CNTNAP5: variants seen among roughly 807,000 people sequenced by gnomAD.
CNTNAP5 encodes the protein contactin associated protein family member 5.
A neutral mutation model predicts 150.2 loss-of-function variants in CNTNAP5; 72 were observed. The ratio of observed to expected loss-of-function variants is 0.48; its 90% CI spans 0.40 to 0.58. The LOEUF (loss-of-function observed/expected upper bound fraction) is 0.58. Ranked by LOEUF, CNTNAP5 falls within the 20% of genes least tolerant of loss-of-function variation. The pLI, the probability that CNTNAP5 is intolerant of heterozygous loss-of-function variation, is 0.00. For synonymous variants in CNTNAP5, 672 were observed against 619.8 expected (o/e 1.08, Z -1.25); for missense variants, 1,636 against 1,626.2 (o/e 1.01, Z -0.10).
At chr2:124,232,339 A>G (rs1383860181) in intron 2 of CNTNAP5, among the ~76,000 whole-genome samples, 1 of 152,262 alleles carries the variant, frequency 6.6e-6, no homozygotes, top group East Asian at 1.9e-4. Context: ...TGTGTGGTAG[A>G]TGTTTTTCCT....
At chr2:124,244,769 G>A (rs1686976263) in intron 3 of CNTNAP5, among the ~76,000 whole-genome samples, 1 of 152,038 alleles carries the variant, frequency 6.6e-6, no homozygotes, top group Admixed American at 6.6e-5. Context: ...ATTAATACTG[G>A]GATAACTAAC....
At chr2:124,040,246 C>T (rs1298599357) in intron 1 of CNTNAP5, among the ~76,000 whole-genome samples, 1 of 152,104 alleles carries the variant, frequency 6.6e-6, no homozygotes, top group Non-Finnish European at 1.5e-5. Context: ...AGACTGTGAA[C>T]TTCAAATGTA....
intron 6 of CNTNAP5, among the ~76,000 whole-genome samples, chr2:124,469,558 C>CT (rs992904395): frequency 2.6e-5 from 4 of 151,090 alleles, no homozygotes; most frequent in African/African-American, 7.3e-5. Flanking sequence ...TAGATCTTTT[C>CT]TTTTTTTTTA....
intron 8 of CNTNAP5, among the ~76,000 whole-genome samples, chr2:124,520,044 A>T (rs1471537496): frequency 6.6e-6 from 1 of 152,248 alleles, no homozygotes; most frequent in Non-Finnish European, 1.5e-5. Context: ...AAATTCCAGT[A>T]TAATATAAAA....
intron 1 of CNTNAP5, among the ~76,000 whole-genome samples, chr2:124,124,550 G>T (rs533078478): frequency 6.6e-6 from 1 of 152,114 alleles, no homozygotes; most frequent in East Asian, 1.9e-4. Context: ...TCAAATTCAG[G>T]AAACAGAGAG....
chr2:124,151,120 C>G (rs1195183320), intron 1 of CNTNAP5, among the ~76,000 whole-genome samples: 1 of 151,992 alleles, frequency 6.6e-6, no homozygotes, highest in Non-Finnish European at 1.5e-5. Flanking sequence ...AACTTAGACC[C>G]CAGAGTGGGG....
intron 4 of CNTNAP5, among the ~76,000 whole-genome samples, chr2:124,428,502 A>G (rs755557627): frequency 6.6e-6 from 1 of 152,214 alleles, no homozygotes; most frequent in South Asian, 2.1e-4. Flanking sequence ...TACCTCTACC[A>G]TAACAAAGCC....
chr2:124,762,338 C>T (rs906958081), intron 14 of CNTNAP5, among the ~76,000 whole-genome samples: 3 of 151,956 alleles, frequency 2.0e-5, no homozygotes, highest in Non-Finnish European at 4.4e-5. Context: ...TGTTTTTCTC[C>T]GTTTTCATGA....
At chr2:124,658,048 G>C (rs1678496349) in intron 13 of CNTNAP5, among the ~76,000 whole-genome samples, 1 of 152,144 alleles carries the variant, frequency 6.6e-6, no homozygotes, top group Non-Finnish European at 1.5e-5. Context: ...AAAATGCTTA[G>C]AATAGTACCT....
At chr2:124,871,513 A>G (rs1367790476) in intron 21 of CNTNAP5, among the ~76,000 whole-genome samples, 1 of 151,970 alleles carries the variant, frequency 6.6e-6, no homozygotes, top group Non-Finnish European at 1.5e-5. Flanking sequence ...CAGCTGTAGT[A>G]GGAGGGTTTA....
At chr2:124,105,111 T>A (rs539519029) in intron 1 of CNTNAP5, among the ~76,000 whole-genome samples, 32 of 152,186 alleles carry the variant, frequency 2.1e-4, no homozygotes, top group African/African-American at 7.5e-4. Context: ...TGCACTGTTC[T>A]GCACCTTGCT....
chr2:124,380,568 T>C (rs1333044363), intron 3 of CNTNAP5, among the ~76,000 whole-genome samples: 1 of 152,194 alleles, frequency 6.6e-6, no homozygotes, highest in African/African-American at 2.4e-5. Context: ...CTTTAGCACA[T>C]ATCATGTACT....
intron 1 of CNTNAP5, among the ~76,000 whole-genome samples, chr2:124,179,290 G>C (rs1310908651): frequency 6.6e-6 from 1 of 152,072 alleles, no homozygotes; most frequent in Non-Finnish European, 1.5e-5. Flanking sequence ...CTCCTGAGTA[G>C]CTGGGATTAC....
At chr2:124,056,769 C>G (rs895161246) in intron 1 of CNTNAP5, among the ~76,000 whole-genome samples, 1 of 152,164 alleles carries the variant, frequency 6.6e-6, no homozygotes, top group Non-Finnish European at 1.5e-5. Flanking sequence ...CTGGACACAT[C>G]GAGTCATTGT....
chr2:124,438,833 T>C (rs1157830917), intron 5 of CNTNAP5, among the ~76,000 whole-genome samples: 3 of 152,214 alleles, frequency 2.0e-5, no homozygotes, highest in Non-Finnish European at 4.4e-5. Context: ...GCATTAAACA[T>C]TTAAAATACA....
At chr2:124,665,700 C>T (rs768757969) in intron 13 of CNTNAP5, among the ~76,000 whole-genome samples, 1 of 152,052 alleles carries the variant, frequency 6.6e-6, no homozygotes, top group Non-Finnish European at 1.5e-5. Flanking sequence ...TCCTGGCTAA[C>T]ACGGTGAAAC....
chr2:124,591,844 T>G (rs1401796307), intron 11 of CNTNAP5, among the ~76,000 whole-genome samples: 1 of 152,154 alleles, frequency 6.6e-6, no homozygotes, highest in African/African-American at 2.4e-5. Context: ...AAGTCTTGCT[T>G]TTATTCTTAT....
intron 3 of CNTNAP5, among the ~76,000 whole-genome samples, chr2:124,313,449 G>T (rs1688883931): frequency 6.6e-6 from 1 of 152,158 alleles, no homozygotes; most frequent in African/African-American, 2.4e-5. Flanking sequence ...CCCAAGAAAG[G>T]TGTGAACAGT....
rs964286887 is a variant in CNTNAP5, at chr2:124,129,105, AAAAG to A, written c.83-92588_83-92585del. Among the ~76,000 whole-genome samples, 27 of 152,224 alleles carry A rather than the reference AAAAG, an allele frequency of 1.8e-4. 1 individual carries two copies. Among genetic ancestry groups the A allele is most frequent in the South Asian group, 1.0e-3 (5 of 4,828 alleles). On this transcript the variant is annotated intron_variant, in intron 1 of 23. Transcript: ENST00000682447. ...AAAAATACCCATCAGAACAGAAAAAAAAAGAAAGAAAGAAATGGAAGCAATGTAC... is the reference window on the plus strand; with the variant it reads ...AAAAATACCCATCAGAACAGAAAAAAAAAGAAAGAAATGGAAGCAATGTAC...
Sources: gnomAD v4.1 joint callset for allele counts (sites outside exome capture counted in the v4.1 genomes callset) on GRCh38, gnomAD v4.1.1 for gene constraint, MANE v1.5 for transcripts, NCBI Gene and HGNC (gene_info 2026-07-23, HGNC 2026-07-21) for gene names.